LRRCC1: variants seen among roughly 807,000 people sequenced by gnomAD.
LRRCC1 encodes the protein leucine rich repeat and coiled-coil centrosomal protein 1.
Under a neutral mutation model 126.0 loss-of-function variants are expected in LRRCC1, and 115 were observed. The observed-to-expected ratio is 0.91, with a 90% CI of 0.78 to 1.07. The LOEUF (loss-of-function observed/expected upper bound fraction) is 1.07, where lower values mean the gene tolerates loss of function less well. LRRCC1 is among the 50% of genes least tolerant of loss of function. The pLI is 0.00. For synonymous variants in LRRCC1, 400 were observed against 393.4 expected (o/e 1.02, Z -0.20); for missense variants, 1,172 against 1,175.7 (o/e 1.00, Z 0.05).
At position 85,145,976 on chromosome 8, in the gene LRRCC1, A is replaced by C. The variant is rs955766865; in HGVS notation, c.*465A>C. ...AAATCTGTATGATAAAAGATGTGGC[A>C]TTCTTAAGAAAGTATATGTAGCCAT... On this transcript the variant is annotated 3_prime_UTR_variant, in exon 19 of 19. Transcript: ENST00000360375. 1.3e-5 allele frequency: 2 copies of C among 152,404 alleles called. No homozygotes were observed. The highest frequency in any genetic ancestry group is 4.8e-5 in the African/African-American group (2 of 41,456). 9.4% of individuals were successfully genotyped at this position (152,404 alleles called of 1,614,324 possible). A position where few individuals can be genotyped will look rare whatever the true frequency, so the allele number is the denominator to read the frequency against.
At chr8:85,125,539 G>T (rs2058389015) in intron 8 of LRRCC1, among the ~76,000 whole-genome samples, 1 of 148,600 alleles carries the variant, frequency 6.7e-6, no homozygotes, top group Non-Finnish European at 1.5e-5. Flanking sequence ...CGGGCGTAGT[G>T]GCGGGCGCCT....
chr8:85,144,440 G>GTATATATA (rs1280182264), intron 18 of LRRCC1, among the ~76,000 whole-genome samples: 11 of 37,228 alleles, frequency 3.0e-4, no homozygotes, highest in African/African-American at 8.4e-4. Context: ...GTGTGTGTGT[G>GTATATATA]TGTGTATATA....
At chr8:85,113,563 C>T (rs866382691) in intron 4 of LRRCC1, among the ~76,000 whole-genome samples, 6 of 151,810 alleles carry the variant, frequency 4.0e-5, no homozygotes, top group Non-Finnish European at 8.8e-5. Flanking sequence ...TATGTATGCA[C>T]GCATGTGTGT....
At chr8:85,131,697 C>G (rs908258081) in intron 11 of LRRCC1, 63 bp from the exon 12 acceptor site, 2 of 1,263,044 alleles carry the variant, frequency 1.6e-6, no homozygotes, top group Non-Finnish European at 2.2e-6. Flanking sequence ...TACGTAAAGA[C>G]CTTTAAAATG....
chr8:85,144,349 A>G (rs1811471140), intron 18 of LRRCC1, among the ~76,000 whole-genome samples: 2 of 151,548 alleles, frequency 1.3e-5, no homozygotes. Context: ...GCTATGATAT[A>G]TAGAAACTGT....
In LRRCC1 at chr8:85,138,021, T is replaced by C; in HGVS notation, c.2494-14T>C. On this transcript the variant is annotated splice_polypyrimidine_tract_variant and intron_variant, in intron 15 of 18. Coordinates refer to ENST00000360375, the MANE Select transcript of LRRCC1 (RefSeq NM_033402.5). ...AAAGTTAATAAAAACAAAGTGCCAA[T>C]TTTTTTCTTAAAGTGTTTACAAGAA... 3 of 1,442,120 alleles carry C rather than the reference T, an allele frequency of 2.1e-6. No homozygotes were observed. Among genetic ancestry groups the C allele is most frequent in the South Asian group, 1.3e-5 (1 of 74,616 alleles). The allele number at this position is 1,442,120 out of a possible 1,614,324, so 89.3% of individuals were successfully genotyped here.
chr8:85,145,750 C>G lies in LRRCC1; in HGVS notation c.*239C>G. The G allele has an allele frequency of 4.0e-6, 1 of 251,880 alleles. No individual in the cohort carries two copies. Among genetic ancestry groups the G allele is most frequent in the Non-Finnish European group, 7.5e-6 (1 of 133,254 alleles). 15.6% of individuals were successfully genotyped at this position (251,880 alleles called of 1,614,324 possible). On this transcript the variant is annotated 3_prime_UTR_variant, in exon 19 of 19. Coordinates refer to ENST00000360375, the MANE Select transcript of LRRCC1 (RefSeq NM_033402.5). ...TCATAACTAGACTTACAATATTTTT[C>G]TTGTTTCTGTACTATACATTGTTTG...
intron 18 of LRRCC1, 61 bp from the exon 19 acceptor site, chr8:85,145,328 T>A: frequency 7.8e-7 from 1 of 1,276,826 alleles, no homozygotes. Context: ...TCTTTCAGAA[T>A]GCATTTTAAA....
At chr8:85,142,345 G>T (rs939142406) in intron 18 of LRRCC1, among the ~76,000 whole-genome samples, 7 of 152,094 alleles carry the variant, frequency 4.6e-5, no homozygotes, top group African/African-American at 1.7e-4. Context: ...CATTCACTAA[G>T]TCTGGAGTCA....
chr8:85,125,409 C>G (rs1809898799), intron 8 of LRRCC1, among the ~76,000 whole-genome samples: 1 of 151,962 alleles, frequency 6.6e-6, no homozygotes, highest in Admixed American at 6.6e-5. Context: ...CGCGGTGGCT[C>G]ACGCCTGTAA....
Position 85,145,716 on chromosome 8 carries a change from A to G in LRRCC1, c.*205A>G. 3.0e-6 allele frequency: 1 copy of G among 329,706 alleles called. No individual in the cohort carries two copies. Among genetic ancestry groups the G allele is most frequent in the Non-Finnish European group, 5.4e-6 (1 of 183,830 alleles). 20.4% of individuals were successfully genotyped at this position (329,706 alleles called of 1,614,324 possible). A position where few individuals can be genotyped will look rare whatever the true frequency, so the allele number is the denominator to read the frequency against. ...AATTGTTGACAATTTTGTCTATTAGAAAAAACTATCATAACTAGACTTACA... is the reference window on the plus strand; with the variant it reads ...AATTGTTGACAATTTTGTCTATTAGGAAAAACTATCATAACTAGACTTACA... On this transcript the variant is annotated 3_prime_UTR_variant, in exon 19 of 19. Transcript: ENST00000360375.
chr8:85,138,298 A>C (rs760433827), intron 16 of LRRCC1, 40 bp from the exon 17 acceptor site: 1 of 1,584,812 alleles, frequency 6.3e-7, no homozygotes, highest in Non-Finnish European at 8.6e-7. Context: ...TTAATAATTT[A>C]ATAAACCCAA....
Position 85,115,536 on chromosome 8 carries a change from G to A in LRRCC1, c.882G>A (p.Glu294=), listed in dbSNP as rs1173262025. 1 of 1,613,200 alleles carries A rather than the reference G, an allele frequency of 6.2e-7. No individual in the cohort carries two copies. The highest frequency in any genetic ancestry group is 2.2e-5 in the East Asian group (1 of 44,834). Residue 294 remains glutamate (E), a synonymous_variant, in exon 6 of 19, where the codon GAG becomes GAA. Transcript: ENST00000360375. ...ATCATGAAAACGATTTGCAGAATGA[G>A]ATAAAACTTCAGAAATTAGATGACC... The part of the protein sequence containing the change: ...KNNHENDLQN[E]IKLQKLDDQI...
intron 15 of LRRCC1, 74 bp downstream of exon 15, chr8:85,137,701 G>C: frequency 8.9e-7 from 1 of 1,128,396 alleles, no homozygotes; most frequent in East Asian, 2.8e-5. Flanking sequence ...GTATCCAAAA[G>C]CTGTTTTTCA....
Position 85,124,936 on chromosome 8 carries a change from C to G in LRRCC1, c.1269C>G (p.Tyr423Ter), listed in dbSNP as rs1052739676. The G allele has an allele frequency of 1.9e-6, 3 of 1,585,326 alleles. No individual in the cohort carries two copies. The highest frequency in any genetic ancestry group is 1.4e-5 in the African/African-American group (1 of 73,162). ...VDQSHSEDNT[Y>*]QSLVEQLDQE... is the part of the protein sequence containing the mutation. ...AAAGTCACTCAGAAGACAACACTTACCAGGTATGATTTAAGAGTTAAAGAA... is the reference window on the plus strand; with the variant it reads ...AAAGTCACTCAGAAGACAACACTTAGCAGGTATGATTTAAGAGTTAAAGAA... The change falls in exon 8 of 19, where the codon TAC becomes TAG. Residue 423 changes from tyrosine (Y) to a stop codon, truncating the protein, a stop_gained. Transcript: ENST00000360375. LOFTEE classifies it high-confidence loss of function.
At chr8:85,126,634 T>C (rs1810022787) in intron 8 of LRRCC1, 55 bp from the exon 9 acceptor site, 1 of 1,472,582 alleles carries the variant, frequency 6.8e-7, no homozygotes, top group Non-Finnish European at 9.3e-7. Context: ...AAATTGAGGC[T>C]GTGAGAAGTT....
intron 6 of LRRCC1, among the ~76,000 whole-genome samples, chr8:85,117,951 T>C (rs561858160): frequency 6.6e-6 from 1 of 152,280 alleles, no homozygotes; most frequent in East Asian, 1.9e-4. Context: ...ATTTCCTGAA[T>C]TGAGAATACA....
chr8:85,129,373 A>T lies in LRRCC1; in HGVS notation c.1620A>T (p.Ala540=). ...AGAGACAAAAAAGGCAGCAGCAGGCAGCACAGGTATTTCTCTATTTTAATA... is the reference window on the plus strand; with the variant it reads ...AGAGACAAAAAAGGCAGCAGCAGGCTGCACAGGTATTTCTCTATTTTAATA... The part of the protein sequence containing the change: ...KMERQKRQQQ[A]AQIRLIQEVE... The change falls in exon 10 of 19, where the codon GCA becomes GCT. Residue 540 remains alanine (A), a synonymous_variant. Transcript: ENST00000360375. 6.2e-7 allele frequency: 1 copy of T among 1,605,980 alleles called. No individual in the cohort carries two copies. Among genetic ancestry groups the T allele is most frequent in the South Asian group, 1.1e-5 (1 of 88,708 alleles).
chr8:85,123,675 A>G (rs1809747687), intron 7 of LRRCC1, 69 bp downstream of exon 7: 1 of 1,171,670 alleles, frequency 8.5e-7, no homozygotes. Context: ...TCTTGAAGCT[A>G]TCTCTTGGTG....
Sources: allele counts gnomAD v4.1 joint callset (sites outside exome capture counted in the v4.1 genomes callset), GRCh38; gene constraint gnomAD v4.1.1; transcripts MANE v1.5; gene names NCBI Gene and HGNC (gene_info 2026-07-23, HGNC 2026-07-21).